The following WDR54 variants were observed in gnomAD, a reference collection of about 807,000 sequenced individuals.
The protein encoded by WDR54 is WD repeat domain 54, also known as WD repeat-containing protein 54.
A neutral mutation model predicts 44.1 loss-of-function variants in WDR54; 44 were observed. The observed-to-expected ratio is 1.00, with a 90% CI of 0.78 to 1.28. WDR54 has a LOEUF of 1.28. WDR54 is among the 50% of genes most tolerant of loss of function. The pLI is 0.00. For missense variants in WDR54, 409 were observed against 429.7 expected (o/e 0.95, Z 0.43); for synonymous variants, 169 against 169.8 (o/e 1.00, Z 0.04).
In WDR54 at chr2:74,423,855, G is replaced by C. The variant is rs369545883; in HGVS notation, c.407G>C (p.Gly136Ala). 48 of 1,613,942 alleles carry C rather than the reference G, an allele frequency of 3.0e-5. No individual in the cohort carries two copies. The highest frequency in any genetic ancestry group is 3.9e-5 in the Non-Finnish European group (46 of 1,179,960). ...IAASGHFICV[G>A]TWSGRVLVFD... ...ACTGGAGTACTGGTTCTGGATACAG[G>C]AACGTGGTCAGGCCGGGTGCTGGTG... The change falls in exon 6 of 10, where the codon GGA becomes GCA. Residue 136 changes from glycine (G) to alanine (A), a missense_variant and splice_region_variant. By Grantham distance (60) the Gly-to-Ala change is moderately conservative (BLOSUM62 0). Transcript: ENST00000348227.
rs1474615248 is a variant in WDR54 at position 74,422,787 on chromosome 2, C to T, written c.223-83C>T. On this transcript the variant is annotated intron_variant, in intron 2 of 9. Coordinates refer to ENST00000348227, the MANE Select transcript of WDR54 (RefSeq NM_032118.4). ...CAGCCTGGGCCACAGAGCAAGACTC[C>T]GTCCCCCAAAAAAAAAAAAAAAACA... is the stretch of plus-strand genomic sequence containing the variant. 4.8e-5 allele frequency: 57 copies of T among 1,193,490 alleles called. No homozygotes were observed. In the East Asian group the frequency reaches 1.1e-3, roughly 24 times the overall value. The allele number at this position is 1,193,490 out of a possible 1,614,324, so 73.9% of individuals were successfully genotyped here.
rs1392150048 is a variant in WDR54, at chr2:74,423,458, T to G, written c.353-20T>G. 2.5e-6 allele frequency: 4 copies of G among 1,613,772 alleles called. No individual in the cohort carries two copies. The highest frequency in any genetic ancestry group is 3.4e-6 in the Non-Finnish European group (4 of 1,179,834). ...CTGCAGGAGGGGATATTTCTGATCATTCTCCCCTTTCATATTCAGTACAGG... is the reference window on the plus strand; with the variant it reads ...CTGCAGGAGGGGATATTTCTGATCAGTCTCCCCTTTCATATTCAGTACAGG... On this transcript the variant is annotated intron_variant, in intron 4 of 9. Transcript: ENST00000348227.
Position 74,425,745 on chromosome 2 carries a change from C to T in WDR54, c.*44C>T, listed in dbSNP as rs1194241603. ...GTCCCTGTGGTATTCATAAAGTACC[C>T]GCTCCACCCAGCCTTTGTCTGATTA... On this transcript the variant is annotated 3_prime_UTR_variant, in exon 10 of 10. Transcript: ENST00000348227. The T allele has an allele frequency of 1.5e-5, 24 of 1,612,610 alleles. No individual in the cohort carries two copies. The highest frequency in any genetic ancestry group is 1.7e-4 in the Middle Eastern group (1 of 6,026).
At chr2:74,422,775 A>G in intron 2 of WDR54, 95 bp from the exon 3 acceptor site, 1 of 1,233,404 alleles carries the variant, frequency 8.1e-7, no homozygotes, top group Non-Finnish European at 1.2e-6. Context: ...CCTGGGCCAC[A>G]GAGCAAGACT....
Position 74,425,113 on chromosome 2 carries a change from T to C in WDR54, c.674T>C (p.Ile225Thr), listed in dbSNP as rs139454931. Residue 225 changes from isoleucine to threonine, a missense_variant, in exon 8 of 10, where the codon ATA (isoleucine) becomes ACA (threonine). Ile to Thr is a moderately conservative substitution (Grantham distance 89). Coordinates refer to ENST00000348227, the MANE Select transcript of WDR54 (RefSeq NM_032118.4). ...TCTGTGCAGCTGTGGCAGGGGATCA[T>C]AGCAGCAGGCTATGGGAACGGACAA... ...CPSVQLWQGI[I>T]AAGYGNGQVH... 8,468 of 1,585,010 alleles carry C rather than the reference T, an allele frequency of 5.3e-3. 25 individuals carry two copies. Among genetic ancestry groups the C allele is most frequent in the Non-Finnish European group, 6.5e-3 (7,592 of 1,161,744 alleles).
intron 3 of WDR54, 83 bp downstream of exon 3, chr2:74,423,015 A>G (rs1466276063): frequency 1.4e-6 from 2 of 1,393,240 alleles, no homozygotes; most frequent in South Asian, 1.2e-5. Context: ...ACTTGCCTCT[A>G]AACACTTCCA....
intron 3 of WDR54, 172 bp from the exon 4 acceptor site, chr2:74,423,147 A>G (rs1670199889): frequency 9.1e-6 from 8 of 883,190 alleles, no homozygotes; most frequent in South Asian, 7.7e-5. Flanking sequence ...ATGTCCTTAC[A>G]CTATTAACTT....
rs1202922510 is a variant in WDR54 at position 74,422,654 on chromosome 2, G to A, written c.223-216G>A. 8 of 610,356 alleles carry A rather than the reference G, an allele frequency of 1.3e-5. No homozygotes were observed. In the East Asian group the frequency reaches 1.9e-4, roughly 15 times the overall value. 37.8% of individuals were successfully genotyped at this position (610,356 alleles called of 1,614,324 possible). ...AGAATACAAAAAAAATTAACCGGGTGTGGTGGCGTGCACCTGTAATCCCAG... is the reference window on the plus strand; with the variant it reads ...AGAATACAAAAAAAATTAACCGGGTATGGTGGCGTGCACCTGTAATCCCAG... On this transcript the variant is annotated intron_variant, in intron 2 of 9. Coordinates refer to ENST00000348227, the MANE Select transcript of WDR54 (RefSeq NM_032118.4).
In WDR54 at chr2:74,422,364, C is replaced by A. The variant is rs1379321095; in HGVS notation, c.211C>A (p.Leu71Ile). 6.2e-7 allele frequency: 1 copy of A among 1,612,578 alleles called. No individual in the cohort carries two copies. Among genetic ancestry groups the A allele is most frequent in the African/African-American group, 1.3e-5 (1 of 74,922 alleles). Reference sequence around the variant, plus strand: ...GGAGGGTGCTGGAGTGAGTCCCCCACTTATCACTCAGGTGAGGCATGGAGC... The same window carrying A: ...GGAGGGTGCTGGAGTGAGTCCCCCAATTATCACTCAGGTGAGGCATGGAGC... The part of the protein sequence containing the change: ...AKEGAGVSPP[L>I]ITQVHWCVLP... The change falls in exon 2 of 10, where the codon CTT (leucine) becomes ATT (isoleucine). Residue 71 changes from leucine to isoleucine, a missense_variant. By Grantham distance (5) the Leu-to-Ile change is conservative. Transcript: ENST00000348227.
chr2:74,425,302 C>G, intron 8 of WDR54, 65 bp downstream of exon 8: 1 of 1,555,422 alleles, frequency 6.4e-7, no homozygotes, highest in Non-Finnish European at 8.7e-7. Flanking sequence ...GAGAACACCA[C>G]AGGCTTGTCT....
chr2:74,423,622 G>C (rs1670222643), intron 5 of WDR54, 91 bp downstream of exon 5: 1 of 1,550,980 alleles, frequency 6.4e-7, no homozygotes, highest in Non-Finnish European at 8.8e-7. Context: ...ATTGTGGAAA[G>C]TTAGAGGGAA....
intron 1 of WDR54, 137 bp downstream of exon 1, chr2:74,421,953 G>A (rs908247896): frequency 3.4e-5 from 21 of 621,754 alleles, no homozygotes; most frequent in Non-Finnish European, 6.1e-5. Context: ...CCTCCTCTGC[G>A]ATTCCCCCGT....
Position 74,425,114 on chromosome 2 carries a change from A to G in WDR54, c.675A>G (p.Ile225Met). The G allele has an allele frequency of 6.3e-7, 1 of 1,584,630 alleles. No homozygotes were observed. Among genetic ancestry groups the G allele is most frequent in the Non-Finnish European group, 8.6e-7 (1 of 1,161,552 alleles). The change falls in exon 8 of 10, where the codon ATA (isoleucine) becomes ATG (methionine). Residue 225 changes from isoleucine to methionine, a missense_variant. Coordinates refer to ENST00000348227, the MANE Select transcript of WDR54 (RefSeq NM_032118.4). ...CPSVQLWQGIIAAGYGNGQVH... is the reference protein window; with the variant it reads ...CPSVQLWQGIMAAGYGNGQVH... ...CTGTGCAGCTGTGGCAGGGGATCAT[A>G]GCAGCAGGCTATGGGAACGGACAAG... is the stretch of plus-strand genomic sequence containing the variant.
intron 1 of WDR54, 112 bp from the exon 2 acceptor site, chr2:74,422,041 C>A: frequency 2.6e-6 from 3 of 1,143,060 alleles, no homozygotes; most frequent in Non-Finnish European, 3.8e-6. Context: ...GGCACCCCAT[C>A]CTATGACCCA....
At chr2:74,423,577 G>A in intron 5 of WDR54, 46 bp downstream of exon 5, 1 of 1,604,836 alleles carries the variant, frequency 6.2e-7, no homozygotes, top group Non-Finnish European at 8.5e-7. Flanking sequence ...GGGGCATGTG[G>A]GCTGTGGCCA....
chr2:74,425,283 G>A (rs781065595), intron 8 of WDR54, 46 bp downstream of exon 8: 5 of 1,537,058 alleles, frequency 3.3e-6, no homozygotes, highest in Admixed American at 2.0e-5. Context: ...CCTGGCAGTG[G>A]AATGTTGAGA....
intron 5 of WDR54, 94 bp from the exon 6 acceptor site, chr2:74,423,760 AC>A: frequency 6.4e-7 from 1 of 1,557,966 alleles, no homozygotes. Flanking sequence ...GGGTTTTGTT[AC>A]TAAGGTTTCT....
In WDR54 at chr2:74,425,568, A is replaced by C. The variant is rs764155397; in HGVS notation, c.874-2A>C. ...GCCCTGACGAGCCCTCTGCTCCCCC[A>C]GGTGGAACACTGTCATGGTGAGTGT... On this transcript the variant is annotated splice_acceptor_variant, in intron 9 of 9. Coordinates refer to ENST00000348227, the MANE Select transcript of WDR54 (RefSeq NM_032118.4). LOFTEE classifies it high-confidence loss of function. 3.1e-6 allele frequency: 5 copies of C among 1,614,224 alleles called. No individual in the cohort carries two copies. In the East Asian group the frequency reaches 1.1e-4, roughly 36 times the overall value.
Position 74,422,234 on chromosome 2 carries a change from G to C in WDR54, c.81G>C (p.Pro27=). ...ACAACCTCAGTGTGCTGCAGCTGCC[G>C]GCTCGCAACCTCACGTATTTTGGCG... ...LCNNLSVLQL[P]ARNLTYFGVV... Residue 27 remains proline, a synonymous_variant, in exon 2 of 10, where the codon CCG becomes CCC. Transcript: ENST00000348227. 6.2e-7 allele frequency: 1 copy of C among 1,614,140 alleles called. No individual in the cohort carries two copies. The highest frequency in any genetic ancestry group is 8.5e-7 in the Non-Finnish European group (1 of 1,180,032).
Sources: gnomAD v4.1 joint callset for allele counts on GRCh38, gnomAD v4.1.1 for gene constraint, MANE v1.5 for transcripts, NCBI Gene and HGNC (gene_info 2026-07-23, HGNC 2026-07-21) for gene names.